Variants in DCC observed in about 807,000 individuals in gnomAD.
DCC encodes the protein DCC netrin 1 receptor.
DCC carries 58 observed loss-of-function variants against 172.5 expected under a neutral mutation model. The observed-to-expected ratio is 0.34, with a 90% confidence interval of 0.27 to 0.42. The LOEUF (loss-of-function observed/expected upper bound fraction) is 0.42, where lower values mean the gene tolerates loss of function less well. Ranked by LOEUF, DCC falls within the 10% of genes least tolerant of loss-of-function variation. The pLI is 1.00. For missense variants in DCC, 1,740 were observed against 1,791.0 expected (o/e 0.97, Z 0.51); for synonymous variants, 709 against 644.5 (o/e 1.10, Z -1.52).
At chr18:52,857,204 G>A (rs1203172771) in intron 2 of DCC, among the ~76,000 whole-genome samples, 1 of 152,180 alleles carries the variant, frequency 6.6e-6, no homozygotes, top group Non-Finnish European at 1.5e-5. Flanking sequence ...ATGCCTAATG[G>A]CGTGAATCTG....
At chr18:53,034,095 A>G (rs1408492187) in intron 5 of DCC, among the ~76,000 whole-genome samples, 1 of 151,938 alleles carries the variant, frequency 6.6e-6, no homozygotes, top group Non-Finnish European at 1.5e-5. Flanking sequence ...TTTTTGAGAG[A>G]GAAGATGATA....
rs773779958 is a variant in DCC, at chr18:53,355,884, T to G, written c.2359+15977T>G. Reference sequence around the variant, plus strand: ...GTCATGGATTTTATACAATTTTATTTTTATATACTGGTATAGTTTTCATTA... The same window carrying G: ...GTCATGGATTTTATACAATTTTATTGTTATATACTGGTATAGTTTTCATTA... On this transcript the variant is annotated intron_variant, in intron 15 of 28. Coordinates refer to ENST00000442544, the MANE Select transcript of DCC (RefSeq NM_005215.4). Among the ~76,000 whole-genome samples the G allele has an allele frequency of 9.9e-4, 150 of 152,260 alleles. 4 individuals carry two copies. The highest frequency in any genetic ancestry group is 3.4e-3 in the Middle Eastern group (1 of 294).
At chr18:52,858,354 A>T (rs777053578) in intron 2 of DCC, among the ~76,000 whole-genome samples, 1 of 152,228 alleles carries the variant, frequency 6.6e-6, no homozygotes, top group Non-Finnish European at 1.5e-5. Context: ...GTACTGGTAG[A>T]GTAAATCGAG....
chr18:53,521,458 T>C (rs1351058974), intron 27 of DCC, among the ~76,000 whole-genome samples: 1 of 152,114 alleles, frequency 6.6e-6, no homozygotes, highest in Non-Finnish European at 1.5e-5. Context: ...TCCATCGTGA[T>C]AACCGTAGGC....
Position 53,499,510 on chromosome 18 carries a change from G to GGTAAA in DCC, c.4111+4_4111+8dup, listed in dbSNP as rs779538587. 5.2e-5 allele frequency: 84 copies of GGTAAA among 1,611,280 alleles called. No homozygotes were observed. The highest frequency in any genetic ancestry group is 6.6e-5 in the Non-Finnish European group (78 of 1,177,550). ...TTACACACCACTTTTGTCTCAGCCA[G>GGTAAA]GTAAAGTACTCGGTTGTTCACCTTT... On this transcript the variant is annotated frameshift_variant and splice_region_variant. Transcript: ENST00000442544. LOFTEE classifies it high-confidence loss of function.
intron 1 of DCC, among the ~76,000 whole-genome samples, chr18:52,424,029 T>C (rs1322967927): frequency 1.3e-5 from 2 of 152,134 alleles, no homozygotes; most frequent in Non-Finnish European, 2.9e-5. Context: ...CAGAGGGTGG[T>C]GCAAGTTCAG....
intron 7 of DCC, among the ~76,000 whole-genome samples, chr18:53,138,183 C>T (rs553184618): frequency 1.3e-5 from 2 of 151,930 alleles, no homozygotes; most frequent in Non-Finnish European, 2.9e-5. Context: ...TATAAAAACT[C>T]TCAGGACCCT....
intron 1 of DCC, among the ~76,000 whole-genome samples, chr18:52,422,315 G>A (rs1337645328): frequency 6.6e-6 from 1 of 152,132 alleles, no homozygotes; most frequent in Non-Finnish European, 1.5e-5. Flanking sequence ...TTTTCTCTGA[G>A]AGATACAAAA....
chr18:52,378,123 A>G (rs72916946), intron 1 of DCC, among the ~76,000 whole-genome samples: 14,062 of 152,214 alleles, frequency 0.092, 787 homozygotes, highest in Middle Eastern at 0.16. Context: ...TTGTTTTAAA[A>G]GGAATAGATT....
intron 9 of DCC, among the ~76,000 whole-genome samples, chr18:53,192,882 GAAC>G (rs1486011109): frequency 5.3e-5 from 8 of 152,126 alleles, no homozygotes; most frequent in African/African-American, 1.9e-4. Flanking sequence ...CTTTCTCAGT[GAAC>G]AACACCAGAA....
chr18:52,945,420 C>G (rs995059379), intron 5 of DCC, among the ~76,000 whole-genome samples: 4 of 152,030 alleles, frequency 2.6e-5, no homozygotes, highest in Non-Finnish European at 5.9e-5. Flanking sequence ...TTTGCATAGT[C>G]GTTAGAGGAA....
chr18:52,439,184 G>A (rs907366223), intron 1 of DCC, among the ~76,000 whole-genome samples: 8 of 151,126 alleles, frequency 5.3e-5, no homozygotes, highest in Middle Eastern at 3.4e-3. Context: ...TTGTGTGTGT[G>A]TGTGTGTGTG....
chr18:52,443,874 C>T lies in DCC; in HGVS notation c.91+102996C>T, dbSNP rs557144076. Among the ~76,000 whole-genome samples the T allele has an allele frequency of 1.1e-4, 16 of 151,932 alleles. No homozygotes were observed. The South Asian group carries it at 1.7e-3, about 16-fold the overall frequency. On this transcript the variant is annotated intron_variant, in intron 1 of 28. Transcript: ENST00000442544. ...GACATGTATGAGTTAGAGACAGAGA[C>T]GGGAGAAAGAAGAACCAGTTCTTGA...
intron 1 of DCC, among the ~76,000 whole-genome samples, chr18:52,648,489 A>G (rs28516859): frequency 0.15 from 23,472 of 152,242 alleles, 1,950 homozygotes; most frequent in Admixed American, 0.23. Flanking sequence ...CCGAAAGCAC[A>G]TGTAAATATC....
intron 7 of DCC, among the ~76,000 whole-genome samples, chr18:53,099,126 C>T (rs538794108): frequency 1.3e-5 from 2 of 152,160 alleles, no homozygotes; most frequent in East Asian, 3.9e-4. Context: ...ACTTATGTTT[C>T]TTGCCTAAAT....
intron 12 of DCC, among the ~76,000 whole-genome samples, chr18:53,302,862 T>TC (rs1426865044): frequency 6.6e-6 from 1 of 152,178 alleles, no homozygotes; most frequent in Non-Finnish European, 1.5e-5. Flanking sequence ...CCTGCTTTTT[T>TC]CCCCTTCATT....
chr18:53,104,044 A>C (rs1490251137), intron 7 of DCC, among the ~76,000 whole-genome samples: 1 of 152,066 alleles, frequency 6.6e-6, no homozygotes, highest in Non-Finnish European at 1.5e-5. Flanking sequence ...AAAATGCCAA[A>C]ATTCACAAAC....
rs571695114 is a variant in DCC, at chr18:53,004,061, G to T, written c.986-59244G>T. ...ATGCCAGTTTTCTCATTAACGAAATGGGACAAATCATTTATTATGTTGTAT... is the reference window on the plus strand; with the variant it reads ...ATGCCAGTTTTCTCATTAACGAAATTGGACAAATCATTTATTATGTTGTAT... On this transcript the variant is annotated intron_variant, in intron 5 of 28. Coordinates refer to ENST00000442544, the MANE Select transcript of DCC (RefSeq NM_005215.4). Among the ~76,000 whole-genome samples the T allele has an allele frequency of 6.6e-5, 10 of 152,224 alleles. 1 individual carries two copies. In the South Asian group the frequency reaches 2.1e-3, roughly 32 times the overall value.
At chr18:52,804,970 T>C (rs1464137304) in intron 2 of DCC, among the ~76,000 whole-genome samples, 1 of 152,054 alleles carries the variant, frequency 6.6e-6, no homozygotes, top group African/African-American at 2.4e-5. Context: ...TACACAAACT[T>C]TATATTTTCA....
Sources: allele counts gnomAD v4.1 joint callset (sites outside exome capture counted in the v4.1 genomes callset), GRCh38; gene constraint gnomAD v4.1.1; transcripts MANE v1.5; gene names NCBI Gene and HGNC (gene_info 2026-07-23, HGNC 2026-07-21).